OTUD7A: variants seen among roughly 807,000 people sequenced by gnomAD.
The protein encoded by OTUD7A is OTU domain-containing protein 7A.
OTUD7A carries 12 observed loss-of-function variants against 65.7 expected under a neutral mutation model. The ratio of observed to expected loss-of-function variants is 0.18; its 90% CI spans 0.12 to 0.30. The LOEUF is 0.30. Ranked by LOEUF, OTUD7A falls within the 10% of genes least tolerant of loss-of-function variation. The pLI is 1.00. For synonymous variants in OTUD7A, 641 were observed against 586.3 expected (o/e 1.09, Z -1.35); for missense variants, 1,148 against 1,304.8 (o/e 0.88, Z 1.85).
intron 1 of OTUD7A, among the ~76,000 whole-genome samples, chr15:31,750,672 G>C (rs1024319534): frequency 6.6e-6 from 1 of 152,048 alleles, no homozygotes; most frequent in Non-Finnish European, 1.5e-5. Context: ...TAGATCAATG[G>C]AACAAAACAG....
At position 31,487,169 on chromosome 15, in the gene OTUD7A, C is replaced by T; in HGVS notation, c.1371+25G>A. 1 of 1,606,512 alleles carries T rather than the reference C, an allele frequency of 6.2e-7. No individual in the cohort carries two copies. The highest frequency in any genetic ancestry group is 8.5e-7 in the Non-Finnish European group (1 of 1,174,422). On this transcript the variant is annotated intron_variant, in intron 12 of 12. Transcript: ENST00000307050. This position sits in a 1 kb window ranked among gnomAD's most constrained non-coding sequence, Gnocchi z 6.0. ...AGCAGCCTGGACCCTGCTGCCAGGTCTGGTCCCAGCACAGCCAGGCTCACC... is the reference window on the plus strand; with the variant it reads ...AGCAGCCTGGACCCTGCTGCCAGGTTTGGTCCCAGCACAGCCAGGCTCACC...
chr15:31,653,997 C>G (rs201951167), intron 3 of OTUD7A, among the ~76,000 whole-genome samples: 26,200 of 93,714 alleles, frequency 0.28, 4,550 homozygotes, highest in African/African-American at 0.47. Context: ...GAAGAAATCT[C>G]AGGGTAAGGG....
chr15:31,487,064 G>C lies in OTUD7A; in HGVS notation c.1371+130C>G, dbSNP rs2041247490. On this transcript the variant is annotated intron_variant, in intron 12 of 12. Transcript: ENST00000307050. This position sits in a 1 kb window ranked among gnomAD's most constrained non-coding sequence, Gnocchi z 6.0. ...GGAGGAGCTACTGGGCTGTGGGTAT[G>C]GCTGGGGTGGGCGGCCGGGCAGGGG... is the stretch of plus-strand genomic sequence containing the variant. The C allele has an allele frequency of 1.2e-6, 1 of 842,616 alleles. No homozygotes were observed. 52.2% of individuals were successfully genotyped at this position (842,616 alleles called of 1,614,324 possible).
At chr15:31,529,132 C>T (rs2141120909) in intron 6 of OTUD7A, among the ~76,000 whole-genome samples, 1 of 152,324 alleles carries the variant, frequency 6.6e-6, no homozygotes, top group South Asian at 2.1e-4. Flanking sequence ...CTACATGCTG[C>T]AGTTGCTGAG....
rs1893214122 is a variant in OTUD7A at position 31,701,541 on chromosome 15, A to G, written c.-99-44464T>C. On this transcript the variant is annotated intron_variant, in intron 1 of 12. Coordinates refer to ENST00000307050, the MANE Select transcript of OTUD7A (RefSeq NM_001382637.1). The stretch of plus-strand genomic sequence containing the variant: ...ATTATGAACAATTCTACATATATAA[A>G]TTTAGCAACTTAGATGAAATGGACC... 2.0e-5 allele frequency among the ~76,000 whole-genome samples: 3 copies of G among 152,004 alleles called. No individual in the cohort carries two copies. In the South Asian group the frequency reaches 6.2e-4, roughly 32 times the overall value.
intron 1 of OTUD7A, among the ~76,000 whole-genome samples, chr15:31,747,251 A>ATTTCT (rs1369885765): frequency 9.2e-4 from 140 of 152,334 alleles, no homozygotes; most frequent in African/African-American, 3.2e-3. Context: ...TTTTTGATAC[A>ATTTCT]TACCCACATT....
chr15:31,618,750 C>A (rs1023631117), intron 3 of OTUD7A, among the ~76,000 whole-genome samples: 40 of 152,246 alleles, frequency 2.6e-4, no homozygotes, highest in Non-Finnish European at 4.0e-4. Flanking sequence ...ATGGTAGTTT[C>A]TTTTGCTGTG....
intron 1 of OTUD7A, among the ~76,000 whole-genome samples, chr15:31,700,627 T>C (rs2141327584): frequency 6.6e-6 from 1 of 152,254 alleles, no homozygotes; most frequent in East Asian, 1.9e-4. Flanking sequence ...AATCATGATA[T>C]TCATAGAGAA....
intron 3 of OTUD7A, among the ~76,000 whole-genome samples, chr15:31,622,318 T>C (rs2141238108): frequency 6.6e-6 from 1 of 152,330 alleles, no homozygotes; most frequent in Non-Finnish European, 1.5e-5. Flanking sequence ...CCTGCCTTGC[T>C]AGGTTGGGGA....
intron 6 of OTUD7A, among the ~76,000 whole-genome samples, chr15:31,528,950 G>A (rs745518292): frequency 6.6e-6 from 1 of 152,188 alleles, no homozygotes; most frequent in African/African-American, 2.4e-5. Context: ...ATTCTTGGAG[G>A]GGGGTCTCAC....
intron 1 of OTUD7A, chr15:31,787,530 G>A (rs1424720142): frequency 2.6e-5 from 4 of 152,268 alleles, no homozygotes; most frequent in Non-Finnish European, 5.9e-5. Context: ...TAGTGGAGAG[G>A]TACCCTATGA....
chr15:31,525,452 C>A (rs892149105), intron 8 of OTUD7A, among the ~76,000 whole-genome samples: 1 of 152,210 alleles, frequency 6.6e-6, no homozygotes, highest in Non-Finnish European at 1.5e-5. Context: ...TCTGTGGGAG[C>A]CTCTTTTCCA....
chr15:31,669,854 A>G (rs528267848), intron 1 of OTUD7A, among the ~76,000 whole-genome samples: 12 of 151,384 alleles, frequency 7.9e-5, no homozygotes, highest in Non-Finnish European at 1.3e-4. Flanking sequence ...TATTTCACTC[A>G]GTTCTTTAAA....
chr15:31,514,218 C>G (rs139126271), intron 8 of OTUD7A, among the ~76,000 whole-genome samples: 5 of 151,740 alleles, frequency 3.3e-5, no homozygotes, highest in Non-Finnish European at 7.4e-5. Flanking sequence ...GCCCAGAAAA[C>G]TTTTTTCATT....
intron 12 of OTUD7A, among the ~76,000 whole-genome samples, chr15:31,485,976 C>T (rs1264873064): frequency 1.3e-5 from 2 of 152,174 alleles, no homozygotes; most frequent in Non-Finnish European, 2.9e-5. Context: ...GTGCGTGAGA[C>T]ACTAAAGGGT....
At chr15:31,500,280 G>A (rs1241571360) in intron 10 of OTUD7A, among the ~76,000 whole-genome samples, 5 of 152,258 alleles carry the variant, frequency 3.3e-5, no homozygotes, top group Admixed American at 1.3e-4. Flanking sequence ...GAGCACCTCC[G>A]AGGCCTTACT....
In OTUD7A at chr15:31,782,717, T is replaced by C. The variant is rs571745524; in HGVS notation, c.-100+87790A>G. On this transcript the variant is annotated intron_variant, in intron 1 of 12. Coordinates refer to ENST00000307050, the MANE Select transcript of OTUD7A (RefSeq NM_001382637.1). ...TAACTTCTCGTGACTTCATGACTGA[T>C]TGGCTTGGGGGTACAGAGAGAGAGT... 3.3e-5 allele frequency among the ~76,000 whole-genome samples: 5 copies of C among 152,164 alleles called. No homozygotes were observed. In the East Asian group the frequency reaches 7.7e-4, roughly 23 times the overall value.
intron 4 of OTUD7A, among the ~76,000 whole-genome samples, chr15:31,566,403 AAG>A (rs1888876028): frequency 6.6e-6 from 1 of 152,198 alleles, no homozygotes; most frequent in African/African-American, 2.4e-5. Flanking sequence ...CTTTATTACA[AAG>A]AGAGCAACAA....
chr15:31,737,420 CA>C (rs1273400424), intron 1 of OTUD7A, among the ~76,000 whole-genome samples: 1 of 152,164 alleles, frequency 6.6e-6, no homozygotes, highest in Admixed American at 6.5e-5. Flanking sequence ...AAAAACGACG[CA>C]AACTGCCAAT....
Sources: gnomAD v4.1 joint callset for allele counts (sites outside exome capture counted in the v4.1 genomes callset) on GRCh38, gnomAD v4.1.1 for gene constraint, Gnocchi (gnomAD v3.1) non-coding constraint, MANE v1.5 for transcripts, NCBI Gene and HGNC (gene_info 2026-07-23, HGNC 2026-07-21) for gene names.